EYA3: variants seen among roughly 807,000 people sequenced by gnomAD.
EYA3 encodes the protein protein phosphatase EYA3.
A neutral mutation model predicts 80.0 loss-of-function variants in EYA3; 39 were observed. That is an observed-to-expected ratio of 0.49 (90% CI 0.38 to 0.64). The LOEUF is 0.64. EYA3 is among the 30% of genes least tolerant of loss of function. EYA3 has a pLI of 0.00. For synonymous variants in EYA3, 206 were observed against 232.8 expected (o/e 0.88, Z 1.05); for missense variants, 523 against 676.1 (o/e 0.77, Z 2.51).
Position 28,048,385 on chromosome 1 carries a change from T to A in EYA3, c.75A>T (p.Ile25=), listed in dbSNP as rs979641936. 2.5e-6 allele frequency: 4 copies of A among 1,609,868 alleles called. No homozygotes were observed. In the African/African-American group the frequency reaches 5.4e-5, roughly 22 times the overall value. Residue 25 remains isoleucine, a splice_region_variant and synonymous_variant, in exon 3 of 18, where the codon ATA becomes ATT. Coordinates refer to ENST00000373871, the MANE Select transcript of EYA3 (RefSeq NM_001990.4). ...AAAAGAAAGCAAACTTTACATACCTTATAGTTTGCTCTCCTGATTCCTGCA... is the reference window on the plus strand; with the variant it reads ...AAAAGAAAGCAAACTTTACATACCTAATAGTTTGCTCTCCTGATTCCTGCA... ...AKMQESGEQT[I]SQVSNPDVSD... is the part of the protein sequence containing the mutation.
At chr1:28,078,828 C>T (rs779988565) in intron 1 of EYA3, among the ~76,000 whole-genome samples, 1 of 152,220 alleles carries the variant, frequency 6.6e-6, no homozygotes, top group Non-Finnish European at 1.5e-5. Context: ...ATGCTATACA[C>T]ATAGTAAGTC....
In EYA3 at chr1:28,000,064, G is replaced by A; in HGVS notation, c.994-15C>T. ...ACTGTTGGGTCCTAGAAGACAATAA[G>A]AAAAAATCAGCTTGACTTGGTAGTC... On this transcript the variant is annotated splice_polypyrimidine_tract_variant and intron_variant, in intron 11 of 17. Transcript: ENST00000373871. 1 of 1,563,930 alleles carries A rather than the reference G, an allele frequency of 6.4e-7. No individual in the cohort carries two copies. Among genetic ancestry groups the A allele is most frequent in the Non-Finnish European group, 8.7e-7 (1 of 1,153,584 alleles).
chr1:28,055,410 T>G (rs1047765245), intron 2 of EYA3, among the ~76,000 whole-genome samples: 17 of 151,440 alleles, frequency 1.1e-4, no homozygotes, highest in African/African-American at 2.2e-4. Flanking sequence ...AAAGGGAAAG[T>G]GAAAGAATCT....
intron 16 of EYA3, among the ~76,000 whole-genome samples, chr1:27,981,116 C>T (rs1352310461): frequency 1.3e-5 from 2 of 152,128 alleles, no homozygotes; most frequent in Non-Finnish European, 2.9e-5. Flanking sequence ...TTAATGTCCC[C>T]AAATCACAGA....
Position 27,974,452 on chromosome 1 carries a change from C to T in EYA3, c.*14G>A. 6.2e-7 allele frequency: 1 copy of T among 1,607,444 alleles called. No individual in the cohort carries two copies. Among genetic ancestry groups the T allele is most frequent in the Non-Finnish European group, 8.5e-7 (1 of 1,174,596 alleles). On this transcript the variant is annotated 3_prime_UTR_variant, in exon 18 of 18. Transcript: ENST00000373871. The stretch of plus-strand genomic sequence containing the variant: ...TGAAAAGGAGCTCAAGGGGAAGGCT[C>T]CTCATTCCAGTTCTTAGAGAAAATC...
intron 2 of EYA3, among the ~76,000 whole-genome samples, chr1:28,050,629 A>G (rs1036965493): frequency 1.3e-5 from 2 of 152,138 alleles, no homozygotes; most frequent in South Asian, 2.1e-4. Flanking sequence ...ATCTAAAGTC[A>G]TATCTACCAA....
chr1:27,992,455 C>T (rs1429172873), intron 14 of EYA3, among the ~76,000 whole-genome samples: 1 of 152,176 alleles, frequency 6.6e-6, no homozygotes, highest in Non-Finnish European at 1.5e-5. Flanking sequence ...GTAATACTCA[C>T]TTGCCGGCCT....
chr1:27,975,579 G>A (rs1260822882), intron 17 of EYA3, among the ~76,000 whole-genome samples: 3 of 150,838 alleles, frequency 2.0e-5, no homozygotes, highest in Non-Finnish European at 3.0e-5. Flanking sequence ...TCCGCCTCCC[G>A]GGTTCACGCC....
chr1:28,033,153 C>G (rs1263233587), intron 6 of EYA3, among the ~76,000 whole-genome samples: 3 of 152,054 alleles, frequency 2.0e-5, no homozygotes, highest in Admixed American at 6.5e-5. Flanking sequence ...AACGAATTAG[C>G]TAATCTGAAA....
At chr1:27,978,887 G>A (rs983570259) in intron 16 of EYA3, among the ~76,000 whole-genome samples, 36 of 152,146 alleles carry the variant, frequency 2.4e-4, no homozygotes, top group Admixed American at 5.9e-4. Context: ...GCTTGAACCC[G>A]GGAGGCGGAG....
chr1:28,013,114 A>C lies in EYA3; in HGVS notation c.766T>G (p.Ser256Ala). ...TTTTCAGAGCTGCGGTGCTTACCAGAGGAAAGTCTCTGTGCTGCAGGTGCA... is the reference window on the plus strand; with the variant it reads ...TTTTCAGAGCTGCGGTGCTTACCAGCGGAAAGTCTCTGTGCTGCAGGTGCA... ...APAPAAQRLSSGDPSTSPSLS... is the reference protein window; with the variant it reads ...APAPAAQRLSAGDPSTSPSLS... Residue 256 changes from serine (S) to alanine (A), a missense_variant, in exon 9 of 18, where the codon TCT becomes GCT. Ser to Ala is a moderately conservative substitution (Grantham distance 99). Transcript: ENST00000373871. The surrounding 1 kb of genome is among the most constrained non-coding windows in gnomAD (Gnocchi z 4.0). The C allele has an allele frequency of 6.2e-7, 1 of 1,611,494 alleles. No homozygotes were observed. Among genetic ancestry groups the C allele is most frequent in the Non-Finnish European group, 8.5e-7 (1 of 1,179,258 alleles).
Position 27,974,210 on chromosome 1 carries a change from G to T in EYA3, c.*256C>A, listed in dbSNP as rs372294170. On this transcript the variant is annotated 3_prime_UTR_variant, in exon 18 of 18. Transcript: ENST00000373871. ...CTGCAGCTCACTCTTAGCAAAAATT[G>T]CAGCTGTTGGTTCTGATTGTGTTCT... The T allele has an allele frequency of 1.5e-5, 4 of 274,648 alleles. No homozygotes were observed. The highest frequency in any genetic ancestry group is 7.0e-6 in the Non-Finnish European group (1 of 141,982). 17.0% of individuals were successfully genotyped at this position (274,648 alleles called of 1,614,324 possible).
At chr1:28,006,932 A>ATTTTTTTTT in intron 10 of EYA3, among the ~76,000 whole-genome samples, 1 of 127,312 alleles carries the variant, frequency 7.9e-6, no homozygotes, top group African/African-American at 3.0e-5. Flanking sequence ...AGATGACATA[A>ATTTTTTTTT]TCTTTTTTTT....
At chr1:28,065,570 A>C (rs1419021248) in intron 1 of EYA3, among the ~76,000 whole-genome samples, 1 of 151,708 alleles carries the variant, frequency 6.6e-6, no homozygotes, top group Non-Finnish European at 1.5e-5. Context: ...CCTACCGTAG[A>C]TCTTAACAAT....
intron 16 of EYA3, among the ~76,000 whole-genome samples, chr1:27,986,860 G>GC (rs1464696734): frequency 6.6e-6 from 1 of 151,980 alleles, no homozygotes; most frequent in Non-Finnish European, 1.5e-5. Context: ...GTGCCACCAC[G>GC]CCCAGCTAAT....
intron 13 of EYA3, among the ~76,000 whole-genome samples, chr1:27,994,222 C>A (rs1367929061): frequency 5.3e-5 from 8 of 152,150 alleles, no homozygotes; most frequent in Admixed American, 5.2e-4. Context: ...CTGGAAGAAG[C>A]CAGCTGTCAC....
Position 28,051,826 on chromosome 1 carries a change from G to A in EYA3, c.34-3400C>T, listed in dbSNP as rs186109258. ...GGGAAAGAAGAATTCATCTTGTAAA[G>A]ATGGTAATACTCCCCAAATTGGTCT... On this transcript the variant is annotated intron_variant, in intron 2 of 17. Transcript: ENST00000373871. 7.4e-4 allele frequency among the ~76,000 whole-genome samples: 112 copies of A among 152,160 alleles called. 1 individual carries two copies. The highest frequency in any genetic ancestry group is 2.6e-3 in the African/African-American group (108 of 41,520).
intron 17 of EYA3, among the ~76,000 whole-genome samples, chr1:27,978,081 A>ACAG (rs1299558879): frequency 1.3e-5 from 2 of 152,124 alleles, no homozygotes; most frequent in Non-Finnish European, 2.9e-5. Flanking sequence ...GTCTTTGAAG[A>ACAG]TGGAAGATGG....
chr1:27,998,950 G>T (rs1057218032), intron 12 of EYA3, among the ~76,000 whole-genome samples: 1 of 151,832 alleles, frequency 6.6e-6, no homozygotes, highest in African/African-American at 2.4e-5. Context: ...TGTATTTTTG[G>T]TAGAGACGGG....
Sources: allele counts gnomAD v4.1 joint callset (sites outside exome capture counted in the v4.1 genomes callset), GRCh38; gene constraint gnomAD v4.1.1; non-coding constraint Gnocchi (gnomAD v3.1); transcripts MANE v1.5; gene names NCBI Gene and HGNC (gene_info 2026-07-23, HGNC 2026-07-21).